The following ZNF823 variants were observed in gnomAD, a reference collection of about 807,000 sequenced individuals.
ZNF823 encodes ZFP 36 for a zinc finger protein.
In ZNF823, 5 loss-of-function variants were observed where a neutral mutation model predicts 11.4. The ratio of observed to expected loss-of-function variants is 0.44; its 90% CI spans 0.23 to 0.92. ZNF823 has a LOEUF of 0.92. ZNF823 is among the 40% of genes least tolerant of loss of function. The probability of loss-of-function intolerance (pLI) is 0.24; values close to 1 mark genes in which losing one functional copy is unlikely to be tolerated. For missense variants in ZNF823, 582 were observed against 738.5 expected, an observed-to-expected ratio of 0.79 and a Z score of 2.46; for synonymous variants, 234 against 250.5, an observed-to-expected ratio of 0.93 and a Z score of 0.62.
chr19:11,733,351 G>C (rs756068024), intron 1 of ZNF823, among the ~76,000 whole-genome samples: 3 of 137,270 alleles, frequency 2.2e-5, no homozygotes, highest in Admixed American at 7.7e-5. Context: ...TAGCGACAGA[G>C]TGAGACTCCA....
chr19:11,725,772 C>G (rs10424919), intron 1 of ZNF823, among the ~76,000 whole-genome samples: 12,860 of 152,160 alleles, frequency 0.085, 1,181 homozygotes, highest in African/African-American at 0.23. Context: ...TAACTAATAA[C>G]AGAGGCTGAG....
intron 1 of ZNF823, chr19:11,730,646 A>G (rs1290923554): frequency 6.6e-6 from 1 of 152,164 alleles, no homozygotes; most frequent in Non-Finnish European, 1.5e-5. Flanking sequence ...CCATACAGAA[A>G]AAATGCTCAA....
Position 11,736,138 on chromosome 19 carries a change from T to C in ZNF823, c.3+2679A>G, listed in dbSNP as rs181824615. Among the ~76,000 whole-genome samples the C allele has an allele frequency of 1.8e-3, 277 of 152,312 alleles. 1 individual carries two copies. Among genetic ancestry groups the C allele is most frequent in the Admixed American group, 3.8e-3 (58 of 15,296 alleles). ...CACTTTCTTGCAAAAATGTATTCATTTTTCTGCAGTCATAAAGGAAAAGTT... is the reference window on the plus strand; with the variant it reads ...CACTTTCTTGCAAAAATGTATTCATCTTTCTGCAGTCATAAAGGAAAAGTT... On this transcript the variant is annotated intron_variant, in intron 1 of 3. Coordinates refer to ENST00000341191, the MANE Select transcript of ZNF823 (RefSeq NM_001080493.4).
At chr19:11,734,153 TGAGGCTGG>T (rs1974951370) in intron 1 of ZNF823, among the ~76,000 whole-genome samples, 1 of 151,258 alleles carries the variant, frequency 6.6e-6, no homozygotes, top group Non-Finnish European at 1.5e-5. Context: ...GAGGATCGCT[TGAGGCTGG>T]GAGGCGAGGT....
chr19:11,735,572 T>C (rs1319526831), intron 1 of ZNF823, among the ~76,000 whole-genome samples: 2 of 152,100 alleles, frequency 1.3e-5, no homozygotes, highest in Admixed American at 6.6e-5. Context: ...AATGAACAGG[T>C]TGGGACACCT....
chr19:11,724,580 A>C (rs1974755858), intron 2 of ZNF823, among the ~76,000 whole-genome samples: 1 of 132,520 alleles, frequency 7.5e-6, no homozygotes, highest in Non-Finnish European at 1.6e-5. Context: ...TTTTTTTGAG[A>C]CAGAGTCCCG....
At chr19:11,737,945 C>G (rs1375516461) in intron 1 of ZNF823, among the ~76,000 whole-genome samples, 1 of 152,158 alleles carries the variant, frequency 6.6e-6, no homozygotes, top group Non-Finnish European at 1.5e-5. Flanking sequence ...ACCCACAGAT[C>G]ACAGCTTCTC....
At chr19:11,728,559 C>T (rs941020569) in intron 1 of ZNF823, among the ~76,000 whole-genome samples, 6 of 152,148 alleles carry the variant, frequency 3.9e-5, no homozygotes, top group African/African-American at 1.4e-4. Context: ...ACCAGCACTA[C>T]TCCCAAAGCC....
At chr19:11,731,465 G>C (rs1282139743) in intron 1 of ZNF823, among the ~76,000 whole-genome samples, 1 of 152,134 alleles carries the variant, frequency 6.6e-6, no homozygotes, top group Non-Finnish European at 1.5e-5. Context: ...TTAAGGCTCT[G>C]ACCTGTGGTG....
rs962572719 is a variant in ZNF823 at position 11,723,216 on chromosome 19, G to T, written c.318C>A (p.Val106=). The change falls in exon 4 of 4, where the codon GTC becomes GTA. Residue 106 remains valine, a synonymous_variant. Transcript: ENST00000341191. ...AATTAAGAGACGAATGACCCAAGAC[G>T]ACTTCTCCACACTCACCACTGTCAC... The part of the protein sequence containing the change: ...NPCDSGECGE[V]VLGHSSLNCN... 2 of 1,614,088 alleles carry T rather than the reference G, an allele frequency of 1.2e-6. No homozygotes were observed. The highest frequency in any genetic ancestry group is 1.7e-6 in the Non-Finnish European group (2 of 1,180,000).
Position 11,722,721 on chromosome 19 carries a change from G to C in ZNF823, c.813C>G (p.Thr271=). 1 of 1,613,964 alleles carries C rather than the reference G, an allele frequency of 6.2e-7. No individual in the cohort carries two copies. Among genetic ancestry groups the C allele is most frequent in the Non-Finnish European group, 8.5e-7 (1 of 1,180,010 alleles). ...STYLRHERTH[T]GEKPYKCTQC... ...GTGTACATTTATAGGGTTTCTCTCC[G>C]GTGTGAGTTCTCTCATGTCTTAGAT... The change falls in exon 4 of 4, where the codon ACC becomes ACG. Residue 271 remains threonine (T), a synonymous_variant. Transcript: ENST00000341191. The surrounding 1 kb of genome is among the most constrained non-coding windows in gnomAD (Gnocchi z 5.2).
Position 11,738,829 on chromosome 19 carries a change from T to A in ZNF823, c.-10A>T, listed in dbSNP as rs767662234. Reference sequence around the variant, plus strand: ...CCCGCACACTCACCATTTCCCAGCTTCCAGGTGTCCGGGTGTCCTCCTTAA... The same window carrying A: ...CCCGCACACTCACCATTTCCCAGCTACCAGGTGTCCGGGTGTCCTCCTTAA... On this transcript the variant is annotated 5_prime_UTR_variant, in exon 1 of 4. Transcript: ENST00000341191. 1 of 1,609,736 alleles carries A rather than the reference T, an allele frequency of 6.2e-7. No individual in the cohort carries two copies. The highest frequency in any genetic ancestry group is 1.3e-5 in the African/African-American group (1 of 74,762).
intron 1 of ZNF823, among the ~76,000 whole-genome samples, chr19:11,735,216 A>C (rs1364062225): frequency 6.8e-6 from 1 of 147,554 alleles, no homozygotes; most frequent in African/African-American, 2.6e-5. Context: ...CAGAAATTGC[A>C]GTGAGCTGAG....
At chr19:11,736,211 C>A (rs1162352398) in intron 1 of ZNF823, among the ~76,000 whole-genome samples, 1 of 152,132 alleles carries the variant, frequency 6.6e-6, no homozygotes, top group African/African-American at 2.4e-5. Context: ...CGTTTGAAAT[C>A]ATCCAATAAA....
intron 1 of ZNF823, among the ~76,000 whole-genome samples, chr19:11,736,713 A>C (rs1974998487): frequency 6.6e-6 from 1 of 152,220 alleles, no homozygotes; most frequent in South Asian, 2.1e-4. Flanking sequence ...TGACAAATGC[A>C]GGGAGGGGCT....
intron 3 of ZNF823, 110 bp from the exon 4 acceptor site, chr19:11,723,452 T>A: frequency 1.0e-6 from 1 of 973,188 alleles, no homozygotes; most frequent in Non-Finnish European, 1.5e-6. Flanking sequence ...ACAGGCTTCA[T>A]CCCCTGTTTG....
At chr19:11,733,970 C>T (rs2145220332) in intron 1 of ZNF823, among the ~76,000 whole-genome samples, 1 of 152,200 alleles carries the variant, frequency 6.6e-6, no homozygotes, top group Non-Finnish European at 1.5e-5. Flanking sequence ...TGAGGCGGCT[C>T]ACATCTGTAA....
chr19:11,722,646 C>T lies in ZNF823; in HGVS notation c.888G>A (p.Arg296=), dbSNP rs775410890. The T allele has an allele frequency of 2.8e-5, 45 of 1,613,684 alleles. No homozygotes were observed. The highest frequency in any genetic ancestry group is 3.7e-5 in the Non-Finnish European group (44 of 1,179,890). The change falls in exon 4 of 4, where the codon AGG becomes AGA. Residue 296 remains arginine, a synonymous_variant. Coordinates refer to ENST00000341191, the MANE Select transcript of ZNF823 (RefSeq NM_001080493.4). The surrounding 1 kb of genome is among the most constrained non-coding windows in gnomAD (Gnocchi z 5.2). The part of the protein sequence containing the change: ...SCYYYTRLHE[R]THTGEQPYAC... ...CATAGGGTTGTTCTCCCGTGTGAGT[C>T]CTTTCATGTAGTCGAGTGTAATAGT...
chr19:11,728,124 G>A (rs1248368413), intron 1 of ZNF823, among the ~76,000 whole-genome samples: 2 of 152,076 alleles, frequency 1.3e-5, no homozygotes, highest in Non-Finnish European at 2.9e-5. Context: ...TAATCCGCCC[G>A]CCTCGGCCTC....
Sources: allele counts gnomAD v4.1 joint callset (sites outside exome capture counted in the v4.1 genomes callset), GRCh38; gene constraint gnomAD v4.1.1; non-coding constraint Gnocchi (gnomAD v3.1); transcripts MANE v1.5; gene names NCBI Gene and HGNC (gene_info 2026-07-23, HGNC 2026-07-21).